GRID1: variants seen among roughly 807,000 people sequenced by gnomAD.
The protein encoded by GRID1 is glutamate ionotropic receptor delta type subunit 1.
GRID1 carries 28 observed loss-of-function variants against 98.0 expected under a neutral mutation model. The observed-to-expected ratio is 0.29, with a 90% CI of 0.21 to 0.39. The LOEUF (loss-of-function observed/expected upper bound fraction) is 0.39, where lower values mean the gene tolerates loss of function less well. Ranked by LOEUF, GRID1 falls within the 10% of genes least tolerant of loss-of-function variation. The pLI is 1.00. For synonymous variants in GRID1, 553 were observed against 538.5 expected (o/e 1.03, Z -0.37); for missense variants, 1,111 against 1,340.5 (o/e 0.83, Z 2.67).
intron 4 of GRID1, among the ~76,000 whole-genome samples, chr10:86,032,439 G>T (rs1480678828): frequency 6.6e-6 from 1 of 152,226 alleles, no homozygotes; most frequent in Non-Finnish European, 1.5e-5. Context: ...TATCTGTGTA[G>T]AAAGAAGTAG....
At position 86,356,335 on chromosome 10, in the gene GRID1, G is replaced by A. The variant is rs373125808; in HGVS notation, c.235+7606C>T. Reference sequence around the variant, plus strand: ...TGCTGTTATTTTAATGAAACGCCAAGGAAATAGGAGGGCTGTTTAGCCATG... The same window carrying A: ...TGCTGTTATTTTAATGAAACGCCAAAGAAATAGGAGGGCTGTTTAGCCATG... On this transcript the variant is annotated intron_variant, in intron 2 of 15. Transcript: ENST00000327946. 5.3e-5 allele frequency among the ~76,000 whole-genome samples: 8 copies of A among 152,362 alleles called. No individual in the cohort carries two copies. The East Asian group carries it at 1.2e-3, about 22-fold the overall frequency.
At chr10:86,355,630 A>G (rs1368763062) in intron 2 of GRID1, among the ~76,000 whole-genome samples, 5 of 152,334 alleles carry the variant, frequency 3.3e-5, no homozygotes, top group Non-Finnish European at 4.4e-5. Flanking sequence ...AGGCCCAGAA[A>G]GGGGAACTCT....
chr10:86,061,614 C>T (rs907489819), intron 4 of GRID1, among the ~76,000 whole-genome samples: 6 of 152,132 alleles, frequency 3.9e-5, no homozygotes, highest in African/African-American at 1.4e-4. Context: ...GCTGCTGCTC[C>T]CCCAGACCCC....
intron 4 of GRID1, among the ~76,000 whole-genome samples, chr10:86,010,360 G>T (rs1248621874): frequency 6.6e-6 from 1 of 152,170 alleles, no homozygotes; most frequent in Non-Finnish European, 1.5e-5. Flanking sequence ...TACTTCATAG[G>T]AAGGGAAAAC....
intron 4 of GRID1, among the ~76,000 whole-genome samples, chr10:86,132,165 G>A (rs762527195): frequency 6.6e-6 from 1 of 152,092 alleles, no homozygotes; most frequent in Non-Finnish European, 1.5e-5. Flanking sequence ...CTGACACCGG[G>A]ACAGAGCTCA....
At chr10:86,164,100 G>A (rs1845363768) in intron 3 of GRID1, among the ~76,000 whole-genome samples, 2 of 152,214 alleles carry the variant, frequency 1.3e-5, no homozygotes, top group Admixed American at 1.3e-4. Context: ...GGTGCACCAG[G>A]CTGGGCAGAG....
At chr10:86,136,480 C>T (rs1018950376) in intron 4 of GRID1, among the ~76,000 whole-genome samples, 1 of 152,192 alleles carries the variant, frequency 6.6e-6, no homozygotes, top group Non-Finnish European at 1.5e-5. Flanking sequence ...AAAATCCGGA[C>T]TTGAATCCTG....
At chr10:86,112,032 G>A (rs1209591864) in intron 4 of GRID1, among the ~76,000 whole-genome samples, 2 of 152,192 alleles carry the variant, frequency 1.3e-5, no homozygotes, top group Non-Finnish European at 2.9e-5. Flanking sequence ...AGTGGCTGAG[G>A]CAAGGCTGCA....
At chr10:86,169,785 C>G (rs1224999021) in intron 3 of GRID1, among the ~76,000 whole-genome samples, 1 of 152,210 alleles carries the variant, frequency 6.6e-6, no homozygotes, top group Non-Finnish European at 1.5e-5. Flanking sequence ...CTGCCATGGC[C>G]TGCAGGAGGA....
intron 2 of GRID1, among the ~76,000 whole-genome samples, chr10:86,300,373 A>C (rs1291615515): frequency 6.7e-6 from 1 of 150,232 alleles, no homozygotes; most frequent in Non-Finnish European, 1.5e-5. Context: ...AGGCTGAAGC[A>C]GGAGGATCGC....
At chr10:86,111,943 T>C (rs1272608107) in intron 4 of GRID1, among the ~76,000 whole-genome samples, 2 of 152,212 alleles carry the variant, frequency 1.3e-5, no homozygotes, top group Non-Finnish European at 2.9e-5. Flanking sequence ...AGGAATCTAA[T>C]GAGGTGTAGT....
chr10:85,902,260 G>A (rs1841399313), intron 5 of GRID1, among the ~76,000 whole-genome samples: 1 of 152,156 alleles, frequency 6.6e-6, no homozygotes, highest in African/African-American at 2.4e-5. Context: ...TGGGTGGGTG[G>A]TGCATACAGT....
chr10:86,145,232 AT>A (rs1223154020), intron 3 of GRID1, among the ~76,000 whole-genome samples: 1 of 151,982 alleles, frequency 6.6e-6, no homozygotes, highest in South Asian at 2.1e-4. Flanking sequence ...TCCTAACAGC[AT>A]TTTTTTGAGA....
intron 4 of GRID1, among the ~76,000 whole-genome samples, chr10:86,077,016 C>T (rs999130541): frequency 7.3e-6 from 1 of 136,728 alleles, no homozygotes; most frequent in Non-Finnish European, 1.6e-5. Flanking sequence ...AGGCCAAATT[C>T]GCAGGTACTG....
intron 2 of GRID1, among the ~76,000 whole-genome samples, chr10:86,285,438 C>T (rs759082548): frequency 6.4e-4 from 97 of 152,306 alleles, no homozygotes; most frequent in African/African-American, 2.2e-3. Flanking sequence ...CTCCAGCCAC[C>T]GCCTGTCACA....
At chr10:86,016,549 TCTTCTTCACTC>T (rs1175262702) in intron 4 of GRID1, among the ~76,000 whole-genome samples, 1 of 152,168 alleles carries the variant, frequency 6.6e-6, no homozygotes, top group East Asian at 1.9e-4. Context: ...ACTTTTTCTG[TCTTCTTCACTC>T]CTATCCCCCA....
At chr10:86,167,632 G>A (rs992183442) in intron 3 of GRID1, among the ~76,000 whole-genome samples, 1 of 152,180 alleles carries the variant, frequency 6.6e-6, no homozygotes, top group African/African-American at 2.4e-5. Context: ...CGGCCAGGCA[G>A]GGTCCATAGC....
At chr10:86,027,074 C>A (rs1843125819) in intron 4 of GRID1, among the ~76,000 whole-genome samples, 1 of 152,202 alleles carries the variant, frequency 6.6e-6, no homozygotes, top group South Asian at 2.1e-4. Context: ...AGTAAAATCC[C>A]AGACTTCTCT....
At position 86,366,439 on chromosome 10, in the gene GRID1, A is replaced by AG; in HGVS notation, c.-48dup. On this transcript the variant is annotated 5_prime_UTR_variant, in exon 1 of 16. Transcript: ENST00000327946. This position sits in a 1 kb window ranked among gnomAD's most constrained non-coding sequence, Gnocchi z 4.1. ...TCCACCCGGGCCCGGGGCGAGGCCG[A>AG]GGGCAGCGCGAAGCGGGGAGGCGCT... 7.3e-7 allele frequency: 1 copy of AG among 1,369,458 alleles called. No individual in the cohort carries two copies. Among genetic ancestry groups the AG allele is most frequent in the Non-Finnish European group, 9.7e-7 (1 of 1,025,854 alleles). The allele number at this position is 1,369,458 out of a possible 1,614,324, so 84.8% of individuals were successfully genotyped here.
Sources: gnomAD v4.1 joint callset for allele counts (sites outside exome capture counted in the v4.1 genomes callset) on GRCh38, gnomAD v4.1.1 for gene constraint, Gnocchi (gnomAD v3.1) non-coding constraint, MANE v1.5 for transcripts, NCBI Gene and HGNC (gene_info 2026-07-23, HGNC 2026-07-21) for gene names.